RALYL: variants seen among roughly 807,000 people sequenced by gnomAD.
The protein encoded by RALYL is RALY RNA binding protein like, also known as RNA-binding Raly-like protein.
RALYL carries 29 observed loss-of-function variants against 35.1 expected under a neutral mutation model. The ratio of observed to expected loss-of-function variants is 0.83; its 90% CI spans 0.61 to 1.13. RALYL has a LOEUF of 1.13. RALYL is among the 50% of genes most tolerant of loss of function. The pLI is 0.00. For missense variants in RALYL, 359 were observed against 360.4 expected (o/e 1.00, Z 0.03); for synonymous variants, 120 against 127.6 (o/e 0.94, Z 0.40).
intron 1 of RALYL, among the ~76,000 whole-genome samples, chr8:84,396,260 G>C (rs199990591): frequency 8.5e-5 from 13 of 152,054 alleles, no homozygotes; most frequent in South Asian, 4.1e-4. Context: ...ACCTTCCCAT[G>C]ATGGGCTCAT....
intron 1 of RALYL, among the ~76,000 whole-genome samples, chr8:84,375,207 G>A (rs928718364): frequency 6.6e-6 from 1 of 151,634 alleles, no homozygotes; most frequent in Non-Finnish European, 1.5e-5. Context: ...ATATATTTAG[G>A]TTATTTTCTG....
chr8:84,388,525 A>C (rs2131728244), intron 1 of RALYL, among the ~76,000 whole-genome samples: 1 of 152,212 alleles, frequency 6.6e-6, no homozygotes, highest in South Asian at 2.1e-4. Flanking sequence ...CTTTTTAATG[A>C]CTGCCATTTA....
chr8:84,501,281 G>A (rs890289336), intron 1 of RALYL, among the ~76,000 whole-genome samples: 7 of 152,050 alleles, frequency 4.6e-5, no homozygotes, highest in South Asian at 2.1e-4. Flanking sequence ...CATTTAAAAA[G>A]ACATATTGTT....
At chr8:84,505,939 G>A (rs1199370868) in intron 1 of RALYL, among the ~76,000 whole-genome samples, 1 of 152,044 alleles carries the variant, frequency 6.6e-6, no homozygotes, top group African/African-American at 2.4e-5. Context: ...AATACCATGT[G>A]TGCTAAGTTT....
intron 2 of RALYL, among the ~76,000 whole-genome samples, chr8:84,748,605 T>A (rs1395348831): frequency 1.3e-5 from 2 of 152,122 alleles, no homozygotes; most frequent in South Asian, 2.1e-4. Flanking sequence ...CAGTAAAACA[T>A]CTCTTTCTTA....
rs59842702 is a variant in RALYL, at chr8:84,735,811, CGAGAGAGAGAGA to C, written c.257-38741_257-38730del. On this transcript the variant is annotated intron_variant, in intron 2 of 8. Transcript: ENST00000521268. ...CCATTCCTTAAGATCATCCAAACCG[CGAGAGAGAGAGA>C]GAGAGAGAGAGAGAGAGAGAGAGAG... Among the ~76,000 whole-genome samples the C allele has an allele frequency of 2.0e-3, 226 of 111,386 alleles. 2 individuals carry two copies. The highest frequency in any genetic ancestry group is 6.0e-3 in the African/African-American group (194 of 32,380). The allele number at this position is 111,386 out of a possible 152,430, so 73.1% of individuals were successfully genotyped here.
chr8:84,431,914 G>T (rs73306339), intron 1 of RALYL, among the ~76,000 whole-genome samples: 1 of 152,150 alleles, frequency 6.6e-6, no homozygotes, highest in Non-Finnish European at 1.5e-5. Context: ...CCAGTGGGGG[G>T]ATTGCTGGAT....
intron 1 of RALYL, among the ~76,000 whole-genome samples, chr8:84,375,172 A>G (rs1247020157): frequency 6.6e-6 from 1 of 151,868 alleles, no homozygotes; most frequent in Non-Finnish European, 1.5e-5. Context: ...TGCTTTCTTT[A>G]TGTTCTGTGA....
chr8:84,669,166 T>C (rs1170481434), intron 2 of RALYL, among the ~76,000 whole-genome samples: 1 of 152,156 alleles, frequency 6.6e-6, no homozygotes, highest in African/African-American at 2.4e-5. Flanking sequence ...TAGTGTTGGT[T>C]TTGTCAGATC....
At chr8:84,476,305 G>A (rs937839804) in intron 1 of RALYL, among the ~76,000 whole-genome samples, 2 of 152,124 alleles carry the variant, frequency 1.3e-5, no homozygotes, top group Non-Finnish European at 2.9e-5. Flanking sequence ...TTTCTTGCCA[G>A]TACTTTTATA....
intron 4 of RALYL, 26 bp from the exon 5 acceptor site, chr8:84,849,954 A>C: frequency 1.5e-6 from 2 of 1,353,650 alleles, no homozygotes; most frequent in Non-Finnish European, 2.0e-6. Context: ...ACAAATGCCA[A>C]CTAATTTTTT....
chr8:84,706,998 T>A (rs896684117), intron 2 of RALYL, among the ~76,000 whole-genome samples: 2 of 152,202 alleles, frequency 1.3e-5, no homozygotes, highest in African/African-American at 4.8e-5. Context: ...TTGATGTCTT[T>A]AAATGTTATC....
intron 1 of RALYL, among the ~76,000 whole-genome samples, chr8:84,268,586 T>C (rs1427805640): frequency 2.0e-5 from 3 of 152,194 alleles, no homozygotes; most frequent in African/African-American, 7.2e-5. Context: ...ATACCTCTTT[T>C]ACAAATTAGT....
At chr8:84,841,615 G>A (rs1007531666) in intron 4 of RALYL, among the ~76,000 whole-genome samples, 4 of 152,044 alleles carry the variant, frequency 2.6e-5, no homozygotes, top group Admixed American at 2.0e-4. Flanking sequence ...GCACCAAGAG[G>A]ACCTAATAGA....
chr8:84,620,980 A>G (rs907237707), intron 2 of RALYL, among the ~76,000 whole-genome samples: 3 of 152,116 alleles, frequency 2.0e-5, no homozygotes, highest in African/African-American at 4.8e-5. Context: ...TGCTGGGAGA[A>G]CCACTGCTCT....
chr8:84,227,884 G>A (rs1321411678), intron 1 of RALYL, among the ~76,000 whole-genome samples: 2 of 151,958 alleles, frequency 1.3e-5, no homozygotes, highest in Non-Finnish European at 2.9e-5. Context: ...TGGCATTTAT[G>A]TATTCATTTA....
At chr8:84,439,723 C>A (rs926848365) in intron 1 of RALYL, among the ~76,000 whole-genome samples, 1 of 152,026 alleles carries the variant, frequency 6.6e-6, no homozygotes, top group African/African-American at 2.4e-5. Context: ...AATTAAAACA[C>A]AGTTCAGTAT....
intron 1 of RALYL, among the ~76,000 whole-genome samples, chr8:84,291,776 T>C (rs903221272): frequency 6.6e-6 from 1 of 151,824 alleles, no homozygotes; most frequent in Non-Finnish European, 1.5e-5. Flanking sequence ...AAAATGGCAT[T>C]ACGTTCATGC....
At position 84,774,061 on chromosome 8, in the gene RALYL, T is replaced by A. The variant is rs570863101; in HGVS notation, c.257-518T>A. Among the ~76,000 whole-genome samples the A allele has an allele frequency of 2.0e-5, 3 of 152,030 alleles. No homozygotes were observed. In the East Asian group the frequency reaches 5.8e-4, roughly 29 times the overall value. On this transcript the variant is annotated intron_variant, in intron 2 of 8. Transcript: ENST00000521268. ...AGCCAGACCTCATTTCTACAGAAAA[T>A]TTTAAAAATTAGCCAGGCATAGTGG...
Sources: gnomAD v4.1 joint callset for allele counts (sites outside exome capture counted in the v4.1 genomes callset) on GRCh38, gnomAD v4.1.1 for gene constraint, MANE v1.5 for transcripts, NCBI Gene and HGNC (gene_info 2026-07-23, HGNC 2026-07-21) for gene names.